SNX25: variants seen among roughly 807,000 people sequenced by gnomAD.
The protein encoded by SNX25 is sorting nexin 25, also known as sorting nexin-25.
Under a neutral mutation model 113.7 loss-of-function variants are expected in SNX25, and 62 were observed. The ratio of observed to expected loss-of-function variants is 0.55; its 90% CI spans 0.44 to 0.67. The LOEUF (loss-of-function observed/expected upper bound fraction) is 0.67. SNX25 is among the 30% of genes least tolerant of loss of function. The pLI is 0.00. For synonymous variants in SNX25, 421 were observed against 436.2 expected (o/e 0.97, Z 0.43); for missense variants, 1,014 against 1,161.0 (o/e 0.87, Z 1.84).
chr4:185,332,124 G>C (rs1454095747), intron 9 of SNX25, among the ~76,000 whole-genome samples: 12 of 152,154 alleles, frequency 7.9e-5, no homozygotes, highest in Non-Finnish European at 8.8e-5. Context: ...ATCAGGAGAA[G>C]GACTGAACAA....
chr4:185,220,737 C>A (rs886541894), intron 1 of SNX25, among the ~76,000 whole-genome samples: 3 of 152,160 alleles, frequency 2.0e-5, no homozygotes, highest in Non-Finnish European at 4.4e-5. Context: ...ACCTCGGCCT[C>A]CCAAAGTGCT....
rs1441212752 is a variant in SNX25 at position 185,287,997 on chromosome 4, C to T, written c.1092-15C>T. ...TTCCTCTTAAATCTTTTTCTTTTCT[C>T]TTTTTAAAAATCAGGTATCAAATTG... On this transcript the variant is annotated splice_polypyrimidine_tract_variant and intron_variant, in intron 5 of 18. Coordinates refer to ENST00000652585, the MANE Select transcript of SNX25 (RefSeq NM_001378034.2). The T allele has an allele frequency of 9.4e-6, 15 of 1,598,694 alleles. No homozygotes were observed. The highest frequency in any genetic ancestry group is 2.7e-5 in the African/African-American group (2 of 74,052).
chr4:185,243,157 A>G (rs1744318939), intron 1 of SNX25, among the ~76,000 whole-genome samples: 2 of 152,226 alleles, frequency 1.3e-5, no homozygotes, highest in African/African-American at 4.8e-5. Context: ...TATTCTCATA[A>G]ACCCATCTCC....
Position 185,273,071 on chromosome 4 carries a change from G to C in SNX25, c.1091+5916G>C, listed in dbSNP as rs151213939. ...TTCCGGACATTGCCAAGTGTCTTAGGGGGAAAAGCTGCACCTGGTTGAGAG... is the reference window on the plus strand; with the variant it reads ...TTCCGGACATTGCCAAGTGTCTTAGCGGGAAAAGCTGCACCTGGTTGAGAG... On this transcript the variant is annotated intron_variant, in intron 5 of 18. Coordinates refer to ENST00000652585, the MANE Select transcript of SNX25 (RefSeq NM_001378034.2). Among the ~76,000 whole-genome samples, 27 of 152,244 alleles carry C rather than the reference G, an allele frequency of 1.8e-4. 1 individual carries two copies. Among genetic ancestry groups the C allele is most frequent in the African/African-American group, 6.0e-4 (25 of 41,546 alleles).
intron 2 of SNX25, among the ~76,000 whole-genome samples, chr4:185,255,778 T>C (rs963261381): frequency 7.9e-5 from 12 of 152,202 alleles, no homozygotes; most frequent in Non-Finnish European, 1.6e-4. Flanking sequence ...TTTGAGCAAG[T>C]TACTTCACTT....
chr4:185,256,966 A>G (rs536371911), intron 2 of SNX25, among the ~76,000 whole-genome samples: 1 of 152,130 alleles, frequency 6.6e-6, no homozygotes, highest in South Asian at 2.1e-4. Flanking sequence ...GTAGTGGCCA[A>G]GATGTATAAA....
At chr4:185,374,945 CA>C (rs976018827), downstream of SNX25, among the ~76,000 whole-genome samples, 90 of 152,136 alleles carry the variant, frequency 5.9e-4, no homozygotes, top group African/African-American at 2.1e-3. Context: ...ATCTAATATA[CA>C]AATCTTATGC....
At chr4:185,372,335 A>C (rs1027714123), downstream of SNX25, among the ~76,000 whole-genome samples, 7 of 152,266 alleles carry the variant, frequency 4.6e-5, no homozygotes, top group African/African-American at 1.7e-4. Flanking sequence ...CTAATGGCAT[A>C]GAATTGTGCT....
At chr4:185,253,001 T>C (rs1745889001) in intron 2 of SNX25, among the ~76,000 whole-genome samples, 1 of 152,210 alleles carries the variant, frequency 6.6e-6, no homozygotes, top group South Asian at 2.1e-4. Context: ...ACAGTTACCC[T>C]TCTGTACCAG....
intron 8 of SNX25, 104 bp downstream of exon 8, chr4:185,320,968 T>C (rs900080447): frequency 2.0e-6 from 2 of 1,007,026 alleles, no homozygotes; most frequent in Admixed American, 5.7e-5. Context: ...ATTAAAAATA[T>C]TTTAAACCAA....
intron 10 of SNX25, among the ~76,000 whole-genome samples, chr4:185,335,649 T>TTTTTTTG (rs1399672683): frequency 6.6e-6 from 1 of 152,134 alleles, no homozygotes; most frequent in East Asian, 1.9e-4. Flanking sequence ...ACTGCCTAGG[T>TTTTTTTG]TTTTTTGTTT....
At chr4:185,239,897 G>A (rs1303283614) in intron 1 of SNX25, among the ~76,000 whole-genome samples, 2 of 149,676 alleles carry the variant, frequency 1.3e-5, no homozygotes, top group Non-Finnish European at 3.0e-5. Context: ...GGTTTTCCTA[G>A]GCAGAGGACC....
chr4:185,222,206 TC>T (rs1740024424), intron 1 of SNX25, among the ~76,000 whole-genome samples: 1 of 151,304 alleles, frequency 6.6e-6, no homozygotes, highest in African/African-American at 2.4e-5. Flanking sequence ...CATATAACCC[TC>T]CTTCATGGCA....
At chr4:185,353,708 A>G in intron 15 of SNX25, 106 bp downstream of exon 15, 3 of 910,868 alleles carry the variant, frequency 3.3e-6, no homozygotes, top group Admixed American at 1.8e-5. Context: ...TGCATCAGAC[A>G]TGTATTTATA....
chr4:185,214,940 A>G (rs1738533649), intron 1 of SNX25, among the ~76,000 whole-genome samples: 1 of 152,192 alleles, frequency 6.6e-6, no homozygotes, highest in Non-Finnish European at 1.5e-5. Context: ...ATTAAGAACT[A>G]GAATAATGGG....
chr4:185,338,963 A>G (rs911098156), intron 10 of SNX25, among the ~76,000 whole-genome samples: 6 of 152,170 alleles, frequency 3.9e-5, no homozygotes, highest in East Asian at 1.9e-4. Context: ...TTGAGATTCT[A>G]TATGGATTTT....
chr4:185,354,133 C>T (rs1233908807), intron 15 of SNX25, among the ~76,000 whole-genome samples: 3 of 152,106 alleles, frequency 2.0e-5, no homozygotes, highest in African/African-American at 7.2e-5. Context: ...ACATAGCGTC[C>T]TGATTTACTC....
chr4:185,247,274 T>A lies in SNX25; in HGVS notation c.430-20T>A. On this transcript the variant is annotated intron_variant, in intron 1 of 18. Transcript: ENST00000652585. ...TATTCATTCAGTAATCTGCTTTGTA[T>A]TTTTTTCCTTTCATTTCAGAGTCCT... 3.3e-6 allele frequency: 5 copies of A among 1,537,306 alleles called. No homozygotes were observed. The highest frequency in any genetic ancestry group is 4.4e-6 in the Non-Finnish European group (5 of 1,131,124).
In SNX25 at chr4:185,334,882, C is replaced by T. The variant is rs1384639437; in HGVS notation, c.1914+2123C>T. 6.6e-6 allele frequency among the ~76,000 whole-genome samples: 1 copy of T among 152,188 alleles called. No homozygotes were observed. The highest frequency in any genetic ancestry group is 1.5e-5 in the Non-Finnish European group (1 of 68,028). On this transcript the variant is annotated intron_variant, in intron 10 of 18. Transcript: ENST00000652585. This position sits in a 1 kb window ranked among gnomAD's most constrained non-coding sequence, Gnocchi z 4.2. ...GTAATCAGATTGTCCACAGGCTGCT[C>T]ACGGAGCACTCTGCTTCTGGCAGTT...
Sources: allele counts gnomAD v4.1 joint callset (sites outside exome capture counted in the v4.1 genomes callset), GRCh38; gene constraint gnomAD v4.1.1; non-coding constraint Gnocchi (gnomAD v3.1); transcripts MANE v1.5; gene names NCBI Gene and HGNC (gene_info 2026-07-23, HGNC 2026-07-21).